The following FRMD4A variants were observed in gnomAD, a reference collection of about 807,000 sequenced individuals.
The protein encoded by FRMD4A is FERM domain containing 4A, also known as FERM domain-containing protein 4A.
In FRMD4A, 29 loss-of-function variants were observed where a neutral mutation model predicts 129.1. The observed-to-expected ratio is 0.22, with a 90% CI of 0.17 to 0.31. The LOEUF is 0.31. Among genes scored for constraint, FRMD4A ranks in the 10% least tolerant of loss-of-function variants. The pLI, the probability that FRMD4A is intolerant of heterozygous loss-of-function variation, is 1.00. For synonymous variants in FRMD4A, 634 were observed against 571.6 expected (o/e 1.11, Z -1.56); for missense variants, 1,272 against 1,375.8 (o/e 0.92, Z 1.19).
At chr10:13,893,890 C>G (rs1564990443) in intron 2 of FRMD4A, among the ~76,000 whole-genome samples, 1 of 152,244 alleles carries the variant, frequency 6.6e-6, no homozygotes. Context: ...ACACCTCCTG[C>G]TTTCCGCCTT....
At chr10:14,131,964 A>G (rs1839282411) in intron 2 of FRMD4A, among the ~76,000 whole-genome samples, 1 of 152,168 alleles carries the variant, frequency 6.6e-6, no homozygotes, top group South Asian at 2.1e-4. Flanking sequence ...TCATGCCGGC[A>G]ATTTCTAATT....
chr10:13,776,743 A>G (rs1418313298), intron 6 of FRMD4A, among the ~76,000 whole-genome samples: 4 of 152,214 alleles, frequency 2.6e-5, no homozygotes, highest in Non-Finnish European at 4.4e-5. Flanking sequence ...CCGTTCCCCA[A>G]GAGACAGGGA....
At chr10:14,037,676 A>G (rs897473052) in intron 2 of FRMD4A, among the ~76,000 whole-genome samples, 12 of 151,996 alleles carry the variant, frequency 7.9e-5, no homozygotes, top group Non-Finnish European at 1.5e-4. Context: ...AAAATTAGAC[A>G]TTGTCAATTT....
chr10:13,808,996 C>T (rs775011749), intron 4 of FRMD4A, among the ~76,000 whole-genome samples: 2 of 152,202 alleles, frequency 1.3e-5, no homozygotes, highest in Non-Finnish European at 2.9e-5. Context: ...CACGCACACA[C>T]GCATGCACGC....
At chr10:13,994,983 C>A (rs2095617375) in intron 2 of FRMD4A, among the ~76,000 whole-genome samples, 1 of 152,166 alleles carries the variant, frequency 6.6e-6, no homozygotes, top group Admixed American at 6.5e-5. Context: ...AGGAGCGCAG[C>A]CACAGGAGTT....
intron 2 of FRMD4A, among the ~76,000 whole-genome samples, chr10:14,296,700 C>T (rs1041094478): frequency 6.6e-6 from 1 of 152,168 alleles, no homozygotes; most frequent in Non-Finnish European, 1.5e-5. Flanking sequence ...ATTCTTGAGT[C>T]GTTACCATAA....
At chr10:14,183,738 T>C (rs1305153741) in intron 2 of FRMD4A, among the ~76,000 whole-genome samples, 1 of 152,198 alleles carries the variant, frequency 6.6e-6, no homozygotes, top group Non-Finnish European at 1.5e-5. Flanking sequence ...AAAGCAAAAC[T>C]ACTGTCTTTT....
chr10:14,288,116 C>T (rs1845739489), intron 2 of FRMD4A, among the ~76,000 whole-genome samples: 1 of 152,166 alleles, frequency 6.6e-6, no homozygotes, highest in Non-Finnish European at 1.5e-5. Flanking sequence ...CCTCTCATCA[C>T]CCTTTTCATC....
At chr10:13,776,472 C>T (rs1459439300) in intron 6 of FRMD4A, among the ~76,000 whole-genome samples, 1 of 152,134 alleles carries the variant, frequency 6.6e-6, no homozygotes, top group African/African-American at 2.4e-5. Context: ...AGGAATAATG[C>T]CCTGTGTCAA....
intron 3 of FRMD4A, among the ~76,000 whole-genome samples, chr10:13,812,529 C>T (rs2093466805): frequency 6.6e-6 from 1 of 152,252 alleles, no homozygotes; most frequent in Admixed American, 6.5e-5. Flanking sequence ...TGCCCACATG[C>T]TGTAGGAGAC....
At chr10:13,699,898 A>G (rs1369234403) in intron 14 of FRMD4A, among the ~76,000 whole-genome samples, 1 of 152,216 alleles carries the variant, frequency 6.6e-6, no homozygotes, top group East Asian at 1.9e-4. Context: ...CATCACTGCC[A>G]GGAGAGCTGC....
intron 2 of FRMD4A, among the ~76,000 whole-genome samples, chr10:14,236,490 A>G (rs971397277): frequency 6.6e-6 from 1 of 152,214 alleles, no homozygotes; most frequent in African/African-American, 2.4e-5. Flanking sequence ...TGCTGGCCCC[A>G]TACCACTGGA....
intron 2 of FRMD4A, among the ~76,000 whole-genome samples, chr10:14,052,211 G>T (rs1269874703): frequency 6.6e-6 from 1 of 152,140 alleles, no homozygotes; most frequent in Non-Finnish European, 1.5e-5. Flanking sequence ...TAACCCTGAG[G>T]AGACCTTGAC....
chr10:14,155,355 C>A (rs948404098), intron 2 of FRMD4A, among the ~76,000 whole-genome samples: 32 of 152,118 alleles, frequency 2.1e-4, no homozygotes, highest in African/African-American at 7.7e-4. Context: ...CTTATGGAGG[C>A]CCTCTGAGAG....
At chr10:13,728,052 C>T (rs1175275406) in intron 12 of FRMD4A, 1 of 152,304 alleles carries the variant, frequency 6.6e-6, no homozygotes, top group East Asian at 1.9e-4. Context: ...ACGTACTGAA[C>T]AAGTGAATGA....
At chr10:13,986,602 C>A in intron 2 of FRMD4A, among the ~76,000 whole-genome samples, 1 of 145,330 alleles carries the variant, frequency 6.9e-6, no homozygotes, top group Non-Finnish European at 1.5e-5. Context: ...ACATATGTAA[C>A]TAACCTGCAC....
chr10:13,948,746 G>A (rs2095351168), intron 2 of FRMD4A, among the ~76,000 whole-genome samples: 1 of 150,236 alleles, frequency 6.7e-6, no homozygotes, highest in South Asian at 2.1e-4. Flanking sequence ...CCGCCTCCCA[G>A]GTTCAAGCGA....
At chr10:13,927,585 A>C (rs1039739861) in intron 2 of FRMD4A, among the ~76,000 whole-genome samples, 2 of 152,220 alleles carry the variant, frequency 1.3e-5, no homozygotes, top group African/African-American at 4.8e-5. Context: ...ATAGCCAAAA[A>C]ATACCCTTTG....
chr10:13,822,428 G>T lies in FRMD4A; in HGVS notation c.112-11520C>A, dbSNP rs547734700. On this transcript the variant is annotated intron_variant, in intron 3 of 24. Coordinates refer to ENST00000357447, the MANE Select transcript of FRMD4A (RefSeq NM_018027.5). ...GAATTTTGCCAGACAGTAAGTTCCT[G>T]GAAGGGAGGGATCACATTTGATCGA... Among the ~76,000 whole-genome samples, 55 of 152,308 alleles carry T rather than the reference G, an allele frequency of 3.6e-4. No individual in the cohort carries two copies. The South Asian group carries it at 0.011, about 30-fold the overall frequency.
Sources: allele counts gnomAD v4.1 joint callset (sites outside exome capture counted in the v4.1 genomes callset), GRCh38; gene constraint gnomAD v4.1.1; transcripts MANE v1.5; gene names NCBI Gene and HGNC (gene_info 2026-07-23, HGNC 2026-07-21).